The following TMC2 variants were observed in gnomAD, a reference collection of about 807,000 sequenced individuals.
TMC2 encodes transmembrane channel like 2, also known as transmembrane channel-like protein 2.
In TMC2, 102 loss-of-function variants were observed where a neutral mutation model predicts 105.9. The ratio of observed to expected loss-of-function variants is 0.96; its 90% CI spans 0.82 to 1.14. The LOEUF (loss-of-function observed/expected upper bound fraction) is 1.14, where lower values mean the gene tolerates loss of function less well. TMC2 is among the 50% of genes most tolerant of loss of function. The pLI is 0.00. For missense variants in TMC2, 1,093 were observed against 1,134.3 expected (o/e 0.96, Z 0.52); for synonymous variants, 402 against 422.8 (o/e 0.95, Z 0.60).
At chr20:2,587,737 T>C (rs1006534975) in intron 7 of TMC2, among the ~76,000 whole-genome samples, 2 of 152,208 alleles carry the variant, frequency 1.3e-5, no homozygotes, top group African/African-American at 4.8e-5. Context: ...CCTATACTTA[T>C]CATTTATTTT....
At chr20:2,636,828 G>T (rs1224790363) in intron 18 of TMC2, among the ~76,000 whole-genome samples, 1 of 152,042 alleles carries the variant, frequency 6.6e-6, no homozygotes, top group Non-Finnish European at 1.5e-5. Flanking sequence ...AGCCAGGATG[G>T]TCACCATATC....
intron 2 of TMC2, among the ~76,000 whole-genome samples, chr20:2,544,774 C>T (rs1379675160): frequency 6.6e-6 from 1 of 152,038 alleles, no homozygotes; most frequent in Non-Finnish European, 1.5e-5. Context: ...AATTATGAAA[C>T]AAAGGCTGGG....
rs1348132772 is a variant in TMC2 at position 2,610,566 on chromosome 20, C to A, written c.1561C>A (p.Leu521Ile). ...ALFLGNLYTF[L>I]LALMDDVHLK... ...CTTCCTGGGGAACCTCTACACATTT[C>A]TCTTGGCCCTGATGGATGACGTCCA... The change falls in exon 12 of 20, where the codon CTC (leucine) becomes ATC (isoleucine). Residue 521 changes from leucine (L) to isoleucine (I), a missense_variant. By Grantham distance (5) the Leu-to-Ile change is conservative. Coordinates refer to ENST00000358864, the MANE Select transcript of TMC2 (RefSeq NM_080751.3). 1.2e-6 allele frequency: 2 copies of A among 1,608,222 alleles called. No homozygotes were observed. The highest frequency in any genetic ancestry group is 2.2e-5 in the South Asian group (2 of 90,268).
intron 17 of TMC2, among the ~76,000 whole-genome samples, chr20:2,635,353 C>T (rs2086634002): frequency 1.6e-5 from 1 of 63,504 alleles, no homozygotes; most frequent in South Asian, 6.1e-4. Context: ...AACACCTCCA[C>T]CTCCCCCTCT....
chr20:2,602,445 C>T (rs1028455605), intron 11 of TMC2, 144 bp downstream of exon 11: 7 of 614,178 alleles, frequency 1.1e-5, no homozygotes, highest in Non-Finnish European at 1.8e-5. Flanking sequence ...AGTCAAATAG[C>T]ATGAATATCC....
intron 2 of TMC2, among the ~76,000 whole-genome samples, chr20:2,548,859 T>C (rs1325608723): frequency 6.6e-6 from 1 of 152,132 alleles, no homozygotes; most frequent in African/African-American, 2.4e-5. Flanking sequence ...CAACATCAAA[T>C]AGAAGTAATG....
At chr20:2,595,032 C>G (rs2086295671) in intron 9 of TMC2, 65 bp downstream of exon 9, 1 of 1,540,258 alleles carries the variant, frequency 6.5e-7, no homozygotes, top group Non-Finnish European at 8.8e-7. Context: ...CCTGGCCACT[C>G]TATGCCTACC....
Position 2,558,301 on chromosome 20 carries a change from G to A in TMC2, c.83-155G>A, listed in dbSNP as rs2085996940. On this transcript the variant is annotated intron_variant, in intron 2 of 19. Transcript: ENST00000358864. The surrounding 1 kb of genome is among the most constrained non-coding windows in gnomAD (Gnocchi z 4.6). Reference sequence around the variant, plus strand: ...TCCTTCAGCTTAAAATACTCAACATGCCAAGGTGCCATACTTTGGGGTGTC... The same window carrying A: ...TCCTTCAGCTTAAAATACTCAACATACCAAGGTGCCATACTTTGGGGTGTC... The A allele has an allele frequency of 6.9e-7, 1 of 1,442,012 alleles. No homozygotes were observed. Among genetic ancestry groups the A allele is most frequent in the East Asian group, 2.5e-5 (1 of 39,884 alleles). The allele number at this position is 1,442,012 out of a possible 1,614,324, so 89.3% of individuals were successfully genotyped here.
In TMC2 at chr20:2,537,330, G is replaced by A; in HGVS notation, c.82+14G>A. ...CTCCACACACAGGTGAGATGGGGTG[G>A]TGGGGTCTCTGGGGAGCCTGCAGTG... On this transcript the variant is annotated intron_variant, in intron 2 of 19. Transcript: ENST00000358864. 2 of 1,594,344 alleles carry A rather than the reference G, an allele frequency of 1.3e-6. No homozygotes were observed. The highest frequency in any genetic ancestry group is 1.7e-6 in the Non-Finnish European group (2 of 1,170,294).
At chr20:2,632,811 G>A (rs1358302543) in intron 17 of TMC2, among the ~76,000 whole-genome samples, 2 of 151,958 alleles carry the variant, frequency 1.3e-5, no homozygotes, top group Non-Finnish European at 2.9e-5. Context: ...GGCTGGTCTC[G>A]AACTCCTGAC....
At position 2,564,762 on chromosome 20, in the gene TMC2, G is replaced by T. The variant is rs7261292; in HGVS notation, c.554+2752G>T. ...CCTGGGGCTGGCAGGATAGGAAGAA[G>T]CTAAGGCCTGAGAAGCCAAGGAGAC... On this transcript the variant is annotated intron_variant, in intron 4 of 19. Coordinates refer to ENST00000358864, the MANE Select transcript of TMC2 (RefSeq NM_080751.3). 7.5e-3 allele frequency among the ~76,000 whole-genome samples: 1,144 copies of T among 152,270 alleles called. 11 individuals are homozygous for T. The highest frequency in any genetic ancestry group is 0.026 in the African/African-American group (1,066 of 41,548).
At chr20:2,617,412 A>G (rs2146248701) in intron 16 of TMC2, 101 bp downstream of exon 16, 2 of 1,486,578 alleles carry the variant, frequency 1.3e-6, no homozygotes, top group East Asian at 4.6e-5. Context: ...CCAGCCTGTA[A>G]AAGGCCATGG....
chr20:2,641,028 A>T, intron 19 of TMC2, 106 bp from the exon 20 acceptor site: 1 of 961,724 alleles, frequency 1.0e-6, no homozygotes, highest in Non-Finnish European at 1.6e-6. Flanking sequence ...TCACATCACC[A>T]AATAGGACTA....
chr20:2,583,486 G>A (rs960564619), intron 7 of TMC2, among the ~76,000 whole-genome samples: 3 of 143,236 alleles, frequency 2.1e-5, no homozygotes, highest in Admixed American at 1.4e-4. Flanking sequence ...TTTTTGAGAT[G>A]GAGTCTTGCT....
At chr20:2,567,262 C>T (rs563868347) in intron 4 of TMC2, among the ~76,000 whole-genome samples, 2 of 152,376 alleles carry the variant, frequency 1.3e-5, no homozygotes, top group African/African-American at 2.4e-5. Flanking sequence ...AGCTTCTCCT[C>T]AGCCTCAGGT....
intron 2 of TMC2, among the ~76,000 whole-genome samples, chr20:2,553,858 T>C (rs2085970972): frequency 6.6e-6 from 1 of 152,174 alleles, no homozygotes; most frequent in Non-Finnish European, 1.5e-5. Flanking sequence ...CATCAAGTTG[T>C]CTGCAATACT....
intron 5 of TMC2, among the ~76,000 whole-genome samples, chr20:2,576,192 A>T (rs941416057): frequency 2.0e-5 from 3 of 152,102 alleles, no homozygotes; most frequent in South Asian, 4.2e-4. Flanking sequence ...CTTTTTTCCT[A>T]TGTATAGCTG....
intron 10 of TMC2, among the ~76,000 whole-genome samples, chr20:2,601,711 A>G (rs1009148246): frequency 5.9e-5 from 9 of 152,006 alleles, no homozygotes; most frequent in Non-Finnish European, 1.0e-4. Flanking sequence ...GTGGTGGTGC[A>G]TGCCTGTAAT....
At chr20:2,538,876 G>C (rs1191205478) in intron 2 of TMC2, among the ~76,000 whole-genome samples, 1 of 152,138 alleles carries the variant, frequency 6.6e-6, no homozygotes, top group Non-Finnish European at 1.5e-5. Flanking sequence ...AGTCACCTGC[G>C]ACGGGACCTG....
Sources: gnomAD v4.1 joint callset for allele counts (sites outside exome capture counted in the v4.1 genomes callset) on GRCh38, gnomAD v4.1.1 for gene constraint, Gnocchi (gnomAD v3.1) non-coding constraint, MANE v1.5 for transcripts, NCBI Gene and HGNC (gene_info 2026-07-23, HGNC 2026-07-21) for gene names.